Variants in NEBL observed in about 807,000 individuals in gnomAD.
NEBL encodes the protein LIM and SH3 protein 2.
A neutral mutation model predicts 140.2 loss-of-function variants in NEBL; 122 were observed. The observed-to-expected ratio is 0.87, with a 90% CI of 0.75 to 1.01. The LOEUF is 1.01. Ranked by LOEUF, NEBL falls within the 50% of genes least tolerant of loss-of-function variation. The probability of loss-of-function intolerance (pLI) is 0.00; values close to 1 mark genes in which losing one functional copy is unlikely to be tolerated. For missense variants in NEBL, 1,365 were observed against 1,231.3 expected (o/e 1.11, Z -1.62); for synonymous variants, 436 against 398.9 (o/e 1.09, Z -1.11).
chr10:21,147,396 GT>G lies in NEBL; in HGVS notation c.164+24986del, dbSNP rs575290796. On this transcript the variant is annotated intron_variant, in intron 2 of 6. Transcript: ENST00000417816. Reference sequence around the variant, plus strand: ...CTTCTCTGACCCTGTTTCTCCTCCGGTTTTTTTTTTTTTTTTTTTAGACAAA... The same window carrying G: ...CTTCTCTGACCCTGTTTCTCCTCCGGTTTTTTTTTTTTTTTTTTAGACAAA... Among the ~76,000 whole-genome samples the G allele has an allele frequency of 6.6e-3, 873 of 131,290 alleles. 3 individuals are homozygous for G. The highest frequency in any genetic ancestry group is 0.016 in the African/African-American group (568 of 35,422). 86.1% of individuals were successfully genotyped at this position (131,290 alleles called of 152,430 possible). A position where few individuals can be genotyped will look rare whatever the true frequency, so the allele number is the denominator to read the frequency against.
rs568402055 is a variant in NEBL, at chr10:21,149,319, C to T, written c.164+23064G>A. Among the ~76,000 whole-genome samples, 5 of 143,928 alleles carry T rather than the reference C, an allele frequency of 3.5e-5. No homozygotes were observed. The East Asian group carries it at 1.0e-3, about 29-fold the overall frequency. The allele number at this position is 143,928 out of a possible 152,430, so 94.4% of individuals were successfully genotyped here. Reference sequence around the variant, plus strand: ...TTTTTTTTTCTTTTTGAGACAGAGTCTGTCTCTGTCACCCAAGCTGGAGTA... The same window carrying T: ...TTTTTTTTTCTTTTTGAGACAGAGTTTGTCTCTGTCACCCAAGCTGGAGTA... On this transcript the variant is annotated intron_variant, in intron 2 of 6. Coordinates refer to the NEBL transcript ENST00000417816.
chr10:21,105,580 C>A (rs961082389), intron 2 of NEBL, among the ~76,000 whole-genome samples: 5 of 152,116 alleles, frequency 3.3e-5, no homozygotes, highest in Non-Finnish European at 7.3e-5. Flanking sequence ...TTAATCCAGT[C>A]TATCATTGAT....
Position 20,868,663 on chromosome 10 carries a change from C to A in NEBL, c.684+1G>T, listed in dbSNP as rs770732327. The A allele has an allele frequency of 1.3e-6, 2 of 1,592,158 alleles. No homozygotes were observed. The highest frequency in any genetic ancestry group is 3.3e-5 in the Admixed American group (2 of 59,956). On this transcript the variant is annotated splice_donor_variant, in intron 7 of 27. Coordinates refer to ENST00000377122, the MANE Select transcript of NEBL (RefSeq NM_006393.3). LOFTEE classifies it high-confidence loss of function. The stretch of plus-strand genomic sequence containing the variant: ...TTGTGGAATCATCACTAAAGCCTTA[C>A]TTGACTAGAAAGTTTAGAAGCTTCC...
intron 1 of NEBL, among the ~76,000 whole-genome samples, chr10:21,266,833 A>G (rs1842801777): frequency 6.6e-6 from 1 of 152,168 alleles, no homozygotes; most frequent in Non-Finnish European, 1.5e-5. Flanking sequence ...GCTGGAGTGC[A>G]GTGGCATGAT....
intron 2 of NEBL, among the ~76,000 whole-genome samples, chr10:21,162,246 CT>C (rs1355980988): frequency 6.6e-6 from 1 of 152,162 alleles, no homozygotes; most frequent in Non-Finnish European, 1.5e-5. Context: ...CCCTAAGTGT[CT>C]CTTCATCTGG....
intron 4 of NEBL, 73 bp downstream of exon 4, chr10:20,888,024 A>T: frequency 1.8e-6 from 2 of 1,081,876 alleles, no homozygotes; most frequent in Non-Finnish European, 2.9e-6. Context: ...ACGTTTTATT[A>T]AAACGCTAAG....
At chr10:20,971,353 C>T (rs923052945) in intron 3 of NEBL, among the ~76,000 whole-genome samples, 3 of 152,020 alleles carry the variant, frequency 2.0e-5, no homozygotes, top group African/African-American at 7.2e-5. Flanking sequence ...TGCTTCTGAA[C>T]ACATGTTCTC....
rs1483921424 is a variant in NEBL at position 20,783,766 on chromosome 10, AT to A, written c.*1980del. On this transcript the variant is annotated 3_prime_UTR_variant, in exon 28 of 28. Transcript: ENST00000377122. Reference sequence around the variant, plus strand: ...TAACGACAGATTTTTTTGCAAAAATATTGCAAGTTCAGTTTATTTTTGTAGG... The same window carrying A: ...TAACGACAGATTTTTTTGCAAAAATATGCAAGTTCAGTTTATTTTTGTAGG... 6.6e-6 allele frequency: 1 copy of A among 152,620 alleles called. No homozygotes were observed. Among genetic ancestry groups the A allele is most frequent in the East Asian group, 1.9e-4 (1 of 5,190 alleles). 9.5% of individuals were successfully genotyped at this position (152,620 alleles called of 1,614,324 possible). A position where few individuals can be genotyped will look rare whatever the true frequency, so the allele number is the denominator to read the frequency against.
At chr10:20,853,330 G>C (rs892824918) in intron 9 of NEBL, among the ~76,000 whole-genome samples, 3 of 152,196 alleles carry the variant, frequency 2.0e-5, no homozygotes, top group African/African-American at 7.2e-5. Context: ...AAATTGAACA[G>C]GGATGCCAAG....
At chr10:20,937,625 C>G (rs532418613) in intron 4 of NEBL, among the ~76,000 whole-genome samples, 2 of 152,134 alleles carry the variant, frequency 1.3e-5, no homozygotes, top group African/African-American at 4.8e-5. Flanking sequence ...CAAGCGTGAG[C>G]TGAAGCAGGG....
chr10:21,190,004 G>C (rs973543063), intron 3 of NEBL, among the ~76,000 whole-genome samples: 22 of 152,158 alleles, frequency 1.4e-4, no homozygotes, highest in Admixed American at 6.5e-5. Flanking sequence ...CAGAATTGAG[G>C]TGTTTTGGAT....
chr10:21,150,931 G>A (rs2132126321), intron 2 of NEBL, among the ~76,000 whole-genome samples: 1 of 152,318 alleles, frequency 6.6e-6, no homozygotes, highest in Admixed American at 6.5e-5. Context: ...GGTGCTCGAT[G>A]CTCAAAAGAG....
At chr10:21,290,043 T>C (rs1406964054) in intron 1 of NEBL, among the ~76,000 whole-genome samples, 2 of 152,236 alleles carry the variant, frequency 1.3e-5, no homozygotes, top group African/African-American at 4.8e-5. Flanking sequence ...TACCCTGTTA[T>C]GGGTGTTTTA....
At position 21,198,412 on chromosome 10, in the gene NEBL, C is replaced by T. The variant is rs1841685523; in HGVS notation, n.349-25935G>A. Among the ~76,000 whole-genome samples, 6 of 152,292 alleles carry T rather than the reference C, an allele frequency of 3.9e-5. No individual in the cohort carries two copies. In the South Asian group the frequency reaches 1.0e-3, roughly 26 times the overall value. ...CCTTTAAAATCCCTCTCTGTGCCTC[C>T]TGGTTTTGCCTCTGTGCACACAGCA... On this transcript the variant is annotated intron_variant and non_coding_transcript_variant, in intron 3 of 8. Transcript: ENST00000675702.
chr10:21,291,029 G>T (rs12245113), intron 1 of NEBL, among the ~76,000 whole-genome samples: 1 of 152,114 alleles, frequency 6.6e-6, no homozygotes, highest in Admixed American at 6.6e-5. Flanking sequence ...TGCCAGTAAT[G>T]GTTCTTAGAG....
chr10:20,826,479 G>A lies in NEBL; in HGVS notation c.1837C>T (p.Arg613Ter), dbSNP rs146471913. ...TAVKDSPEIE[R>*]VKKNQQNISS... Reference sequence around the variant, plus strand: ...ATATTCTGCTGATTTTTCTTCACTCGTTCGATCTCTGGGCTATCTTTCACT... The same window carrying A: ...ATATTCTGCTGATTTTTCTTCACTCATTCGATCTCTGGGCTATCTTTCACT... The change falls in exon 18 of 28, where the codon CGA becomes TGA. Residue 613 changes from arginine to a stop codon, truncating the protein, a stop_gained. Transcript: ENST00000377122. LOFTEE classifies it high-confidence loss of function. 462 of 1,612,644 alleles carry A rather than the reference G, an allele frequency of 2.9e-4. No homozygotes were observed. The highest frequency in any genetic ancestry group is 3.7e-4 in the Non-Finnish European group (433 of 1,179,130).
At chr10:21,284,210 CAAA>C (rs35693200) in intron 1 of NEBL, among the ~76,000 whole-genome samples, 3 of 37,188 alleles carry the variant, frequency 8.1e-5, no homozygotes, top group Non-Finnish European at 1.3e-4. Context: ...ACTCCGTCTC[CAAA>C]AAAAAAAAAA....
upstream of NEBL, among the ~76,000 whole-genome samples, chr10:21,176,949 C>G (rs76619517): frequency 0.011 from 1,640 of 152,300 alleles, 25 homozygotes; most frequent in African/African-American, 0.035. Context: ...AAATTGAACT[C>G]CAAATAAAAG....
rs4025884 is a variant in NEBL, at chr10:21,093,150, C to CTTTTTTTTTTTTTTTTTTTT, written c.165-72950_165-72949insAAAAAAAAAAAAAAAAAAAA. ...TACTTTTATTCATTTAGCAACAAGT[C>CTTTTTTTTTTTTTTTTTTTT]TTTTTTTTTTTTTTTCCATTTTAGC... On this transcript the variant is annotated intron_variant, in intron 2 of 6. Transcript: ENST00000417816. 7.8e-4 allele frequency among the ~76,000 whole-genome samples: 74 copies of CTTTTTTTTTTTTTTTTTTTT among 95,008 alleles called. 1 individual carries two copies. Among genetic ancestry groups the CTTTTTTTTTTTTTTTTTTTT allele is most frequent in the Middle Eastern group, 6.6e-3 (1 of 152 alleles). The allele number at this position is 95,008 out of a possible 152,430, so 62.3% of individuals were successfully genotyped here. A position where few individuals can be genotyped will look rare whatever the true frequency, so the allele number is the denominator to read the frequency against.
Sources: gnomAD v4.1 joint callset for allele counts (sites outside exome capture counted in the v4.1 genomes callset) on GRCh38, gnomAD v4.1.1 for gene constraint, MANE v1.5 for transcripts, NCBI Gene and HGNC (gene_info 2026-07-23, HGNC 2026-07-21) for gene names.